Variants in ATXN1 observed in about 807,000 individuals in gnomAD.
The protein encoded by ATXN1 is ataxin 1, also known as ataxin-1.
Under a neutral mutation model 56.4 loss-of-function variants are expected in ATXN1, and 8 were observed. The observed-to-expected ratio is 0.14, with a 90% CI of 0.08 to 0.26. The LOEUF is 0.26. Ranked by LOEUF, ATXN1 falls within the 10% of genes least tolerant of loss-of-function variation. The pLI, the probability that ATXN1 is intolerant of heterozygous loss-of-function variation, is 1.00. For synonymous variants in ATXN1, 514 were observed against 494.6 expected, an observed-to-expected ratio of 1.04 and a Z score of -0.52; for missense variants, 987 against 1,106.5, an observed-to-expected ratio of 0.89 and a Z score of 1.53.
At chr6:16,336,964 T>C (rs1438301155) in intron 6 of ATXN1, among the ~76,000 whole-genome samples, 1 of 152,222 alleles carries the variant, frequency 6.6e-6, no homozygotes, top group Non-Finnish European at 1.5e-5. Flanking sequence ...CCCAAAATAA[T>C]AGTCTCATTC....
intron 6 of ATXN1, among the ~76,000 whole-genome samples, chr6:16,401,917 T>C (rs949711950): frequency 7.2e-5 from 11 of 152,142 alleles, no homozygotes; most frequent in Non-Finnish European, 1.2e-4. Flanking sequence ...GACTTACAGT[T>C]CCACATGGCT....
intron 7 of ATXN1, among the ~76,000 whole-genome samples, chr6:16,321,834 C>T (rs536316399): frequency 2.6e-5 from 4 of 152,240 alleles, no homozygotes; most frequent in South Asian, 2.1e-4. Flanking sequence ...TGTTAACCGA[C>T]GCTAATAAAT....
At chr6:16,665,734 C>A (rs1049804632) in intron 2 of ATXN1, among the ~76,000 whole-genome samples, 3 of 152,146 alleles carry the variant, frequency 2.0e-5, no homozygotes, top group Non-Finnish European at 4.4e-5. Context: ...CCCATGTGGT[C>A]AAGAACATGA....
intron 3 of ATXN1, among the ~76,000 whole-genome samples, chr6:16,602,305 A>G (rs1440114298): frequency 6.6e-6 from 1 of 152,204 alleles, no homozygotes; most frequent in Non-Finnish European, 1.5e-5. Flanking sequence ...CAGTGTTTCA[A>G]TATGAATACA....
chr6:16,649,140 G>C (rs1038132267), intron 3 of ATXN1, among the ~76,000 whole-genome samples: 1 of 152,034 alleles, frequency 6.6e-6, no homozygotes, highest in Non-Finnish European at 1.5e-5. Context: ...TTTTTGACAT[G>C]TAATATTAAA....
At chr6:16,637,602 G>A (rs1382659905) in intron 3 of ATXN1, among the ~76,000 whole-genome samples, 1 of 152,142 alleles carries the variant, frequency 6.6e-6, no homozygotes, top group Non-Finnish European at 1.5e-5. Context: ...TATAACAAGT[G>A]AATTCTTAGC....
At chr6:16,741,556 T>C (rs925896943) in intron 2 of ATXN1, among the ~76,000 whole-genome samples, 1 of 152,194 alleles carries the variant, frequency 6.6e-6, no homozygotes, top group Non-Finnish European at 1.5e-5. Context: ...AGACAGAAAC[T>C]TTGCGATTTC....
intron 3 of ATXN1, among the ~76,000 whole-genome samples, chr6:16,640,494 T>C (rs1379215066): frequency 3.9e-5 from 6 of 152,170 alleles, no homozygotes; most frequent in East Asian, 1.9e-4. Flanking sequence ...CCATCCTGGC[T>C]AACATGGTGA....
intron 6 of ATXN1, among the ~76,000 whole-genome samples, chr6:16,445,005 A>T (rs899358147): frequency 2.0e-5 from 3 of 152,284 alleles, no homozygotes; most frequent in African/African-American, 7.2e-5. Context: ...TCTACCAGAC[A>T]AATGGTCTGG....
intron 2 of ATXN1, among the ~76,000 whole-genome samples, chr6:16,700,792 C>G (rs1209619191): frequency 6.6e-6 from 1 of 152,074 alleles, no homozygotes; most frequent in Non-Finnish European, 1.5e-5. Context: ...ACGTGGTAAG[C>G]AGACGTGCTG....
Position 16,580,309 on chromosome 6 carries a change from CTTCAT to C in ATXN1, c.-361+5466_-361+5470del, listed in dbSNP as rs1369778263. Among the ~76,000 whole-genome samples, 10 of 152,168 alleles carry C rather than the reference CTTCAT, an allele frequency of 6.6e-5. 1 individual carries two copies. Among genetic ancestry groups the C allele is most frequent in the Admixed American group, 6.5e-4 (10 of 15,278 alleles). On this transcript the variant is annotated intron_variant, in intron 4 of 7. Transcript: ENST00000436367. ...TGAATTTAGAAAACATATTTAAATG[CTTCAT>C]TTCATTTGATAACCTCTAAGAGAAA...
intron 3 of ATXN1, among the ~76,000 whole-genome samples, chr6:16,642,530 C>G (rs1581323576): frequency 6.6e-6 from 1 of 152,208 alleles, no homozygotes; most frequent in South Asian, 2.1e-4. Flanking sequence ...GATGCAGTGA[C>G]AGGTTTGAGA....
chr6:16,572,208 A>C (rs1762344617), intron 4 of ATXN1, among the ~76,000 whole-genome samples: 1 of 152,184 alleles, frequency 6.6e-6, no homozygotes, highest in African/African-American at 2.4e-5. Flanking sequence ...ACAATTAACT[A>C]TAAAAAGGGT....
chr6:16,588,743 G>A (rs926028809), intron 3 of ATXN1, among the ~76,000 whole-genome samples: 24 of 152,122 alleles, frequency 1.6e-4, no homozygotes, highest in African/African-American at 4.6e-4. Context: ...TGCACATTAT[G>A]GGCACTCAAT....
chr6:16,747,830 C>T (rs982507486), intron 2 of ATXN1, among the ~76,000 whole-genome samples: 18 of 151,708 alleles, frequency 1.2e-4, no homozygotes, highest in East Asian at 1.9e-4. Context: ...TGAGACTGGG[C>T]GAGGCAGGGG....
intron 2 of ATXN1, among the ~76,000 whole-genome samples, chr6:16,660,158 A>G (rs1758286860): frequency 6.6e-6 from 1 of 152,228 alleles, no homozygotes; most frequent in Non-Finnish European, 1.5e-5. Context: ...TCCCTCTTTC[A>G]GCAAACTCTT....
intron 2 of ATXN1, among the ~76,000 whole-genome samples, chr6:16,751,441 C>T (rs1384482763): frequency 6.6e-6 from 1 of 152,222 alleles, no homozygotes; most frequent in African/African-American, 2.4e-5. Context: ...TGACTCTTCC[C>T]TCCTCCACCT....
At chr6:16,706,590 T>C (rs1052598698) in intron 2 of ATXN1, among the ~76,000 whole-genome samples, 5 of 151,888 alleles carry the variant, frequency 3.3e-5, no homozygotes, top group African/African-American at 1.2e-4. Flanking sequence ...CCGTGCGTGG[T>C]AGTGCACACT....
At chr6:16,334,920 G>A (rs1761082633) in intron 6 of ATXN1, among the ~76,000 whole-genome samples, 1 of 152,104 alleles carries the variant, frequency 6.6e-6, no homozygotes, top group East Asian at 1.9e-4. Flanking sequence ...AGTGCCCTGG[G>A]GAAGAACAGA....
Sources: gnomAD v4.1 joint callset for allele counts (sites outside exome capture counted in the v4.1 genomes callset) on GRCh38, gnomAD v4.1.1 for gene constraint, MANE v1.5 for transcripts, NCBI Gene and HGNC (gene_info 2026-07-23, HGNC 2026-07-21) for gene names.